The following TYW1B variants were observed in gnomAD, a reference collection of about 807,000 sequenced individuals.
TYW1B encodes the protein tRNA-yW synthesizing protein 1 homolog B.
A neutral mutation model predicts 86.9 loss-of-function variants in TYW1B; 73 were observed. The observed-to-expected ratio is 0.84, with a 90% confidence interval of 0.70 to 1.02. TYW1B has a LOEUF of 1.02. Among genes scored for constraint, TYW1B ranks in the 50% least tolerant of loss-of-function variants. The pLI is 0.00. For missense variants in TYW1B, 637 were observed against 827.4 expected (o/e 0.77, Z 2.82); for synonymous variants, 248 against 292.8 (o/e 0.85, Z 1.56).
chr7:72,694,580 A>T, intron 11 of TYW1B, 107 bp downstream of exon 11: 15 of 1,332,748 alleles, frequency 1.1e-5, no homozygotes, highest in Non-Finnish European at 1.5e-5. Flanking sequence ...TTTTAAAGAG[A>T]AAAGAGGAAA....
At chr7:72,720,778 T>C (rs1786880924) in intron 9 of TYW1B, among the ~76,000 whole-genome samples, 1 of 152,278 alleles carries the variant, frequency 6.6e-6, no homozygotes. Flanking sequence ...CCTTAAGTTC[T>C]AGGGTACATG....
At chr7:72,724,477 T>C (rs1786963051) in intron 9 of TYW1B, among the ~76,000 whole-genome samples, 1 of 152,052 alleles carries the variant, frequency 6.6e-6, no homozygotes, top group Non-Finnish European at 1.5e-5. Context: ...TGTCTCCAAG[T>C]AAATAAATAA....
chr7:72,763,265 GT>G (rs1165731052), intron 7 of TYW1B, among the ~76,000 whole-genome samples: 1 of 132,562 alleles, frequency 7.5e-6, no homozygotes, highest in African/African-American at 2.7e-5. Flanking sequence ...TTAAGGTTTT[GT>G]TTTTTCTTTT....
chr7:72,779,229 G>A (rs1788007035), intron 6 of TYW1B, among the ~76,000 whole-genome samples: 1 of 152,216 alleles, frequency 6.6e-6, no homozygotes, highest in African/African-American at 2.4e-5. Flanking sequence ...ACTTTAACAT[G>A]AGAATATCTC....
At chr7:72,607,585 T>C (rs1421993904) in intron 13 of TYW1B, among the ~76,000 whole-genome samples, 1 of 151,500 alleles carries the variant, frequency 6.6e-6, no homozygotes, top group African/African-American at 2.4e-5. Context: ...ATAACTAAAA[T>C]AATAAATGGT....
intron 6 of TYW1B, among the ~76,000 whole-genome samples, chr7:72,801,197 T>G (rs1788398451): frequency 6.6e-6 from 1 of 151,994 alleles, no homozygotes; most frequent in Non-Finnish European, 1.5e-5. Flanking sequence ...AGCGTGGTGG[T>G]GTGCACCTGT....
intron 3 of TYW1B, among the ~76,000 whole-genome samples, chr7:72,812,941 C>T (rs1232851700): frequency 6.6e-6 from 1 of 152,106 alleles, no homozygotes; most frequent in Non-Finnish European, 1.5e-5. Context: ...ATCCACCAGC[C>T]TTGACCTCTC....
intron 13 of TYW1B, among the ~76,000 whole-genome samples, chr7:72,606,446 TC>T (rs1554434866): frequency 6.6e-6 from 1 of 151,988 alleles, no homozygotes; most frequent in Non-Finnish European, 1.5e-5. Context: ...AATCCTGCCC[TC>T]CTCCTCCCCT....
intron 6 of TYW1B, among the ~76,000 whole-genome samples, chr7:72,782,218 G>C (rs1284772905): frequency 6.6e-6 from 1 of 152,108 alleles, no homozygotes. Context: ...GAGCCCAGGA[G>C]TTCAAGGCTG....
intron 2 of TYW1B, 113 bp downstream of exon 2, chr7:72,826,738 TTTCA>T (rs1788937470): frequency 7.7e-7 from 1 of 1,304,674 alleles, no homozygotes; most frequent in East Asian, 2.7e-5. Flanking sequence ...ATTTTAGGCA[TTTCA>T]TTAAAATGTC....
chr7:72,731,445 C>T (rs1295909805), intron 8 of TYW1B, among the ~76,000 whole-genome samples: 1 of 67,556 alleles, frequency 1.5e-5, no homozygotes, highest in Non-Finnish European at 3.4e-5. Flanking sequence ...AAACAATATA[C>T]AAAACAACAT....
At chr7:72,755,256 G>A (rs557873099) in intron 7 of TYW1B, among the ~76,000 whole-genome samples, 1 of 151,910 alleles carries the variant, frequency 6.6e-6, no homozygotes, top group African/African-American at 2.4e-5. Context: ...TGTCTCTACA[G>A]AAAAATTTAA....
intron 11 of TYW1B, among the ~76,000 whole-genome samples, chr7:72,674,569 G>A (rs1813690895): frequency 6.6e-6 from 1 of 151,694 alleles, no homozygotes; most frequent in Non-Finnish European, 1.5e-5. Flanking sequence ...GCTCAGCCAC[G>A]CAGACCAAGT....
At chr7:72,591,227 C>T (rs1158855148) in intron 13 of TYW1B, among the ~76,000 whole-genome samples, 2 of 151,508 alleles carry the variant, frequency 1.3e-5, no homozygotes, top group East Asian at 1.9e-4. Context: ...GACATTTGCA[C>T]GTGGCAATCT....
chr7:72,791,197 C>A (rs1175109388), intron 6 of TYW1B, among the ~76,000 whole-genome samples: 1 of 151,968 alleles, frequency 6.6e-6, no homozygotes, highest in East Asian at 1.9e-4. Flanking sequence ...TCACATAATA[C>A]CAGTCCCCAG....
intron 12 of TYW1B, among the ~76,000 whole-genome samples, chr7:72,627,563 T>C (rs1397521752): frequency 6.6e-6 from 1 of 152,118 alleles, no homozygotes; most frequent in African/African-American, 2.4e-5. Flanking sequence ...TTCCCTAAAA[T>C]AGTCAACCAC....
chr7:72,748,544 A>G (rs1787435777), intron 7 of TYW1B, among the ~76,000 whole-genome samples: 2 of 148,210 alleles, frequency 1.3e-5, no homozygotes, highest in Non-Finnish European at 3.0e-5. Flanking sequence ...ATCTAATGGG[A>G]AAAGCATTTA....
chr7:72,810,624 G>GT lies in TYW1B; in HGVS notation c.278dup (p.Tyr93Ter), dbSNP rs1563102352. The GT allele has an allele frequency of 6.2e-7, 1 of 1,613,480 alleles. No homozygotes were observed. The highest frequency in any genetic ancestry group is 1.7e-5 in the Admixed American group (1 of 59,900). ...KNVCVFLVATYTDGLPTESAE... is the reference protein window; with the variant it reads ...KNVCVFLVAT ...CACTTTCGGTTGGTAGGCCGTCAGT[G>GT]TATGTCGCAACCAGGAAGACACAGA... is the stretch of plus-strand genomic sequence containing the variant. Residue 93 changes from tyrosine (Y) to a stop codon, truncating the protein, a stop_gained and frameshift_variant, in exon 4 of 14, where the codon TAC becomes TAAC. Coordinates refer to ENST00000620995, the MANE Select transcript of TYW1B (RefSeq NM_001145440.3). LOFTEE classifies it high-confidence loss of function.
intron 10 of TYW1B, among the ~76,000 whole-genome samples, chr7:72,702,769 T>G (rs1814504228): frequency 6.6e-6 from 1 of 152,210 alleles, no homozygotes; most frequent in East Asian, 1.9e-4. Flanking sequence ...CTTGCTGAGA[T>G]GCAACCATTT....
Sources: gnomAD v4.1 joint callset for allele counts (sites outside exome capture counted in the v4.1 genomes callset) on GRCh38, gnomAD v4.1.1 for gene constraint, MANE v1.5 for transcripts, NCBI Gene and HGNC (gene_info 2026-07-23, HGNC 2026-07-21) for gene names.